The following COX7A2L variants were observed in gnomAD, a reference collection of about 807,000 sequenced individuals.
COX7A2L encodes the protein cytochrome c oxidase subunit 7A2-like, mitochondrial.
Under a neutral mutation model 14.2 loss-of-function variants are expected in COX7A2L, and 18 were observed. That is an observed-to-expected ratio of 1.27 (90% confidence interval 0.88 to 1.88). COX7A2L has a LOEUF of 1.88. Ranked by LOEUF, COX7A2L falls within the 40% of genes most tolerant of loss-of-function variation. The pLI, the probability that COX7A2L is intolerant of heterozygous loss-of-function variation, is 0.00. For missense variants in COX7A2L, 179 were observed against 138.8 expected, an observed-to-expected ratio of 1.29 and a Z score of -1.46; for synonymous variants, 65 against 57.4, an observed-to-expected ratio of 1.13 and a Z score of -0.60.
chr2:42,351,582 A>T (rs964720947), intron 2 of COX7A2L, among the ~76,000 whole-genome samples: 11 of 152,242 alleles, frequency 7.2e-5, no homozygotes, highest in African/African-American at 2.7e-4. Context: ...GCATGCATGC[A>T]AAAGATTCCA....
upstream of COX7A2L, chr2:42,361,291 C>A (rs116570696): frequency 5.7e-5 from 47 of 819,818 alleles, no homozygotes; most frequent in Non-Finnish European, 7.8e-5. Context: ...GCCCGAAGAT[C>A]GCCTAACTTA....
downstream of COX7A2L, among the ~76,000 whole-genome samples, chr2:42,344,636 AGGTCAGGAGAT>A (rs1366466509): frequency 6.6e-6 from 1 of 151,812 alleles, no homozygotes; most frequent in African/African-American, 2.4e-5. Flanking sequence ...GCAGATCCCG[AGGTCAGGAGAT>A]GGAGACCATC....
intron 1 of COX7A2L, 25 bp downstream of exon 1, chr2:42,361,065 C>T (rs1399851190): frequency 6.2e-7 from 1 of 1,611,460 alleles, no homozygotes. Flanking sequence ...TTCTCATGTC[C>T]GAGCTGGCCA....
At chr2:42,360,410 A>C (rs1453851110) in intron 1 of COX7A2L, among the ~76,000 whole-genome samples, 1 of 152,206 alleles carries the variant, frequency 6.6e-6, no homozygotes, top group African/African-American at 2.4e-5. Context: ...CTGGGGCTCT[A>C]AAATCCCTCA....
chr2:42,364,087 C>T (rs1270338929), upstream of COX7A2L, among the ~76,000 whole-genome samples: 3 of 151,896 alleles, frequency 2.0e-5, no homozygotes, highest in East Asian at 5.8e-4. Context: ...AAAAAATTGA[C>T]AGTGATATAA....
At position 42,352,529 on chromosome 2, in the gene COX7A2L, T is replaced by C. The variant is rs1287556516; in HGVS notation, c.204+683A>G. 1.1e-4 allele frequency among the ~76,000 whole-genome samples: 16 copies of C among 152,110 alleles called. No individual in the cohort carries two copies. In the East Asian group the frequency reaches 3.1e-3, roughly 29 times the overall value. ...TAAATGCTCTCTCAAACCTTACTTA[T>C]CAGATAAAAAGAGATTAAACTGATC... On this transcript the variant is annotated intron_variant, in intron 2 of 2. Coordinates refer to ENST00000234301, the MANE Select transcript of COX7A2L (RefSeq NM_004718.4).
intron 1 of COX7A2L, among the ~76,000 whole-genome samples, chr2:42,355,714 G>GGTCTTT (rs1670793325): frequency 3.6e-5 from 3 of 82,868 alleles, no homozygotes; most frequent in African/African-American, 5.0e-5. Flanking sequence ...AAAATCCTAC[G>GGTCTTT]TTCTTTTTTT....
chr2:42,341,915 A>C (rs556998071), intron 2 of COX7A2L, among the ~76,000 whole-genome samples: 1 of 152,310 alleles, frequency 6.6e-6, no homozygotes, highest in South Asian at 2.1e-4. Flanking sequence ...GCTCTAATCA[A>C]ACACCACTGA....
upstream of COX7A2L, among the ~76,000 whole-genome samples, chr2:42,364,739 G>T (rs1327259092): frequency 6.6e-6 from 1 of 152,190 alleles, no homozygotes; most frequent in Non-Finnish European, 1.5e-5. Context: ...TTAAAGCATG[G>T]TGTTTTCATA....
upstream of COX7A2L, chr2:42,361,333 C>G (rs1286210870): frequency 1.7e-6 from 1 of 602,978 alleles, no homozygotes; most frequent in Admixed American, 3.3e-5. Context: ...ATTGGGGAAC[C>G]AAAAGCCAGG....
chr2:42,352,292 C>G (rs1670671761), intron 2 of COX7A2L, among the ~76,000 whole-genome samples: 1 of 152,128 alleles, frequency 6.6e-6, no homozygotes, highest in Non-Finnish European at 1.5e-5. Flanking sequence ...GCCTCGGCCT[C>G]TGGAGTAGCT....
At chr2:42,357,479 T>C (rs939345015) in intron 1 of COX7A2L, among the ~76,000 whole-genome samples, 4 of 152,102 alleles carry the variant, frequency 2.6e-5, no homozygotes, top group African/African-American at 9.7e-5. Context: ...CAGCTAATTT[T>C]TCTTATTTTT....
In COX7A2L at chr2:42,338,114, G is replaced by A. The variant is rs761293804; in HGVS notation, c.193-4245C>T. On this transcript the variant is annotated intron_variant, in intron 2 of 2. Transcript: ENST00000468711. This position sits in a 1 kb window ranked among gnomAD's most constrained non-coding sequence, Gnocchi z 4.4. ...AATTCATCTTCTGGTCCGCCCCTCCGATGACGGTTGGTTGGTCCATAACCC... is the reference window on the plus strand; with the variant it reads ...AATTCATCTTCTGGTCCGCCCCTCCAATGACGGTTGGTTGGTCCATAACCC... Among the ~76,000 whole-genome samples, 17 of 152,164 alleles carry A rather than the reference G, an allele frequency of 1.1e-4. No individual in the cohort carries two copies. The highest frequency in any genetic ancestry group is 2.5e-4 in the Non-Finnish European group (17 of 68,018).
chr2:42,360,337 T>C (rs186222653), intron 1 of COX7A2L, among the ~76,000 whole-genome samples: 30 of 152,166 alleles, frequency 2.0e-4, no homozygotes, highest in Non-Finnish European at 2.9e-4. Context: ...TCACAATAAA[T>C]TAAATAACTT....
rs1670348628 is a variant in COX7A2L, at chr2:42,339,175, T to C, written c.193-5306A>G. Among the ~76,000 whole-genome samples the C allele has an allele frequency of 6.6e-6, 1 of 152,220 alleles. No homozygotes were observed. Among genetic ancestry groups the C allele is most frequent in the South Asian group, 2.1e-4 (1 of 4,826 alleles). On this transcript the variant is annotated intron_variant, in intron 2 of 2. Coordinates refer to the COX7A2L transcript ENST00000468711. This position sits in a 1 kb window ranked among gnomAD's most constrained non-coding sequence, Gnocchi z 5.4. The stretch of plus-strand genomic sequence containing the variant: ...GAAGGAAGTTTTTTTAATCAAATTT[T>C]AGTAGTTAATTACTTTTTTTATTAA...
chr2:42,361,123 T>G lies in COX7A2L; in HGVS notation c.39A>C (p.Ala13=), dbSNP rs573788850. ...YKFSGFTQKL[A]GAWASEAYSP... ...TATAGGCCTCCGAAGCCCATGCTCC[T>G]GCCAACTTCTGCGTGAAGCCACTAA... The change falls in exon 1 of 3, where the codon GCA becomes GCC. Residue 13 remains alanine, a synonymous_variant. Transcript: ENST00000234301. The G allele has an allele frequency of 3.1e-6, 5 of 1,613,838 alleles. No individual in the cohort carries two copies. Among genetic ancestry groups the G allele is most frequent in the Non-Finnish European group, 3.4e-6 (4 of 1,179,918 alleles).
Position 42,357,787 on chromosome 2 carries a change from G to C in COX7A2L, c.72+3303C>G, listed in dbSNP as rs1441480326. ...CCCTCCCTCCTCATCCCCAACATCT[G>C]TCTCATCTGAAAGGACAAACTACCA... is the stretch of plus-strand genomic sequence containing the variant. On this transcript the variant is annotated intron_variant, in intron 1 of 2. Transcript: ENST00000234301. 2.0e-5 allele frequency among the ~76,000 whole-genome samples: 3 copies of C among 152,020 alleles called. No homozygotes were observed. The East Asian group carries it at 5.8e-4, about 29-fold the overall frequency.
intron 1 of COX7A2L, 198 bp downstream of exon 1, chr2:42,360,892 G>A (rs1671008544): frequency 4.8e-6 from 3 of 627,284 alleles, no homozygotes; most frequent in Admixed American, 5.7e-5. Context: ...GCCAGCCCCC[G>A]CCAGGTGAGC....
downstream of COX7A2L, among the ~76,000 whole-genome samples, chr2:42,345,005 A>T (rs894617703): frequency 6.6e-6 from 1 of 152,218 alleles, no homozygotes; most frequent in Non-Finnish European, 1.5e-5. Flanking sequence ...TTGTTTTCAT[A>T]AACAGAAGGG....
Sources: allele counts gnomAD v4.1 joint callset (sites outside exome capture counted in the v4.1 genomes callset), GRCh38; gene constraint gnomAD v4.1.1; non-coding constraint Gnocchi (gnomAD v3.1); transcripts MANE v1.5; gene names NCBI Gene and HGNC (gene_info 2026-07-23, HGNC 2026-07-21).